Variants in TENM4 observed in about 807,000 individuals in gnomAD.
TENM4 encodes the protein teneurin-4.
In TENM4, 82 loss-of-function variants were observed where a neutral mutation model predicts 243.3. That is an observed-to-expected ratio of 0.34 (90% confidence interval 0.28 to 0.40). The LOEUF (loss-of-function observed/expected upper bound fraction) is 0.40. Ranked by LOEUF, TENM4 falls within the 10% of genes least tolerant of loss-of-function variation. The probability of loss-of-function intolerance (pLI) is 1.00; values close to 1 mark genes in which losing one functional copy is unlikely to be tolerated. For missense variants in TENM4, 3,138 were observed against 3,673.3 expected (o/e 0.85, Z 3.77); for synonymous variants, 1,412 against 1,456.3 (o/e 0.97, Z 0.69).
At chr11:79,077,358 G>A (rs980958825) in intron 4 of TENM4, among the ~76,000 whole-genome samples, 3 of 152,286 alleles carry the variant, frequency 2.0e-5, no homozygotes, top group Middle Eastern at 3.4e-3. Context: ...CCCAGAAACA[G>A]TGACATCTAA....
At chr11:79,332,852 A>G (rs929032853) in intron 1 of TENM4, among the ~76,000 whole-genome samples, 4 of 152,116 alleles carry the variant, frequency 2.6e-5, no homozygotes, top group African/African-American at 7.2e-5. Context: ...CACTCCTATG[A>G]GAGCAATGTG....
intron 1 of TENM4, among the ~76,000 whole-genome samples, chr11:79,359,042 G>T (rs147445813): frequency 6.6e-5 from 10 of 151,766 alleles, no homozygotes; most frequent in Admixed American, 4.6e-4. Flanking sequence ...TGAGTGGAAG[G>T]ATCACTTGAG....
chr11:79,138,920 A>ATATTT lies in TENM4; in HGVS notation c.-66+9789_-66+9790insAAATA, dbSNP rs1381853076. ...TATTATATTTCTATAAATATATATT[A>ATATTT]CATTTCCATAAATATATAAAATATA... On this transcript the variant is annotated intron_variant, in intron 4 of 33. Transcript: ENST00000278550. 6.4e-4 allele frequency among the ~76,000 whole-genome samples: 66 copies of ATATTT among 103,332 alleles called. 14 individuals are homozygous for ATATTT. The highest frequency in any genetic ancestry group is 8.2e-4 in the Non-Finnish European group (46 of 56,240). 67.8% of individuals were successfully genotyped at this position (103,332 alleles called of 152,430 possible). A position where few individuals can be genotyped will look rare whatever the true frequency, so the allele number is the denominator to read the frequency against.
intron 7 of TENM4, 145 bp from the exon 8 acceptor site, chr11:78,891,481 A>G (rs1230175209): frequency 3.0e-6 from 2 of 676,836 alleles, no homozygotes; most frequent in Non-Finnish European, 5.2e-6. Flanking sequence ...GTCAGTGTGC[A>G]AGCCACATGT....
intron 1 of TENM4, among the ~76,000 whole-genome samples, chr11:79,342,276 G>A (rs74826836): frequency 0.012 from 1,803 of 152,272 alleles, 40 homozygotes; most frequent in African/African-American, 0.041. Flanking sequence ...GATTGTCAAA[G>A]GTAGGTGTGA....
intron 6 of TENM4, chr11:79,014,843 G>A (rs1311495047): frequency 6.6e-6 from 1 of 152,302 alleles, no homozygotes; most frequent in Non-Finnish European, 1.5e-5. Context: ...TTATAACCAG[G>A]AAGGCTAAGT....
chr11:79,271,814 A>G (rs1046767305), intron 2 of TENM4, among the ~76,000 whole-genome samples: 3 of 152,180 alleles, frequency 2.0e-5, no homozygotes, highest in African/African-American at 4.8e-5. Context: ...CCACCTAGTA[A>G]TGAGGGCTTT....
chr11:79,437,869 A>T (rs993019778), intron 1 of TENM4, among the ~76,000 whole-genome samples: 5 of 152,094 alleles, frequency 3.3e-5, no homozygotes, highest in African/African-American at 1.2e-4. Flanking sequence ...CCCCTCTGGC[A>T]GCCGGGTTAA....
chr11:79,427,784 T>C (rs544061472), intron 1 of TENM4, among the ~76,000 whole-genome samples: 2 of 152,356 alleles, frequency 1.3e-5, no homozygotes, highest in African/African-American at 4.8e-5. Context: ...TCACTGCCTA[T>C]TCCACAAGGT....
Position 78,805,281 on chromosome 11 carries a change from C to CACCCCCA in TENM4, c.2179+10_2179+11insTGGGGGT. On this transcript the variant is annotated intron_variant, in intron 15 of 33. Transcript: ENST00000278550. The stretch of plus-strand genomic sequence containing the variant: ...TCCCTCTACCCATGCTTCTTCTCCC[C>CACCCCCA]CTGCATTTACCGATAGAACAGTCGT... The CACCCCCA allele has an allele frequency of 6.7e-7, 1 of 1,488,494 alleles. No homozygotes were observed. The highest frequency in any genetic ancestry group is 9.1e-7 in the Non-Finnish European group (1 of 1,097,816). 92.2% of individuals were successfully genotyped at this position (1,488,494 alleles called of 1,614,324 possible).
At chr11:79,151,051 C>G (rs1862499950) in intron 3 of TENM4, among the ~76,000 whole-genome samples, 1 of 152,160 alleles carries the variant, frequency 6.6e-6, no homozygotes, top group African/African-American at 2.4e-5. Flanking sequence ...CAATCATAGC[C>G]TGTGCTCTCA....
At chr11:79,353,756 G>GGA (rs1857452939) in intron 1 of TENM4, among the ~76,000 whole-genome samples, 1 of 142,878 alleles carries the variant, frequency 7.0e-6, no homozygotes, top group Admixed American at 7.0e-5. Flanking sequence ...GAAAAAGGAG[G>GGA]AAAAAAAAAA....
In TENM4 at chr11:78,657,140, T is replaced by C. The variant is rs1008381556; in HGVS notation, c.*918A>G. On this transcript the variant is annotated 3_prime_UTR_variant, in exon 34 of 34. Transcript: ENST00000278550. ...TGGACATGGTGCCCACATTGAAGGC[T>C]TGCTGTGCAGTGCTCGTTCTCACAT... is the stretch of plus-strand genomic sequence containing the variant. The C allele has an allele frequency of 2.5e-6, 1 of 398,706 alleles. No individual in the cohort carries two copies. The highest frequency in any genetic ancestry group is 2.1e-5 in the African/African-American group (1 of 48,760). The allele number at this position is 398,706 out of a possible 1,614,324, so 24.7% of individuals were successfully genotyped here.
At chr11:78,822,380 C>T (rs1857752254) in intron 12 of TENM4, among the ~76,000 whole-genome samples, 1 of 152,220 alleles carries the variant, frequency 6.6e-6, no homozygotes, top group Admixed American at 6.5e-5. Flanking sequence ...CACTCTAGCT[C>T]AGGAAGTGTT....
intron 6 of TENM4, among the ~76,000 whole-genome samples, chr11:78,980,494 G>T (rs1364573149): frequency 1.3e-5 from 2 of 152,214 alleles, no homozygotes; most frequent in Admixed American, 1.3e-4. Context: ...CTGTGGAACT[G>T]CACATGAGGA....
chr11:78,935,029 G>T (rs1268226029), intron 6 of TENM4, among the ~76,000 whole-genome samples: 2 of 98,552 alleles, frequency 2.0e-5, no homozygotes, highest in Non-Finnish European at 1.8e-5. Flanking sequence ...TTTTGAGACG[G>T]AGTCTCGCTC....
chr11:79,138,737 CATAAAACATACATTATATTT>C, intron 4 of TENM4, among the ~76,000 whole-genome samples: 1 of 103,916 alleles, frequency 9.6e-6, no homozygotes, highest in Non-Finnish European at 1.8e-5. Context: ...TATATAAATA[CATAAAACATACATTATATTT>C]ATATAAATAC....
intron 2 of TENM4, among the ~76,000 whole-genome samples, chr11:79,289,102 A>G (rs544802814): frequency 1.3e-5 from 2 of 152,240 alleles, no homozygotes; most frequent in Non-Finnish European, 2.9e-5. Flanking sequence ...TTATGACACC[A>G]TCAATAAATG....
intron 6 of TENM4, among the ~76,000 whole-genome samples, chr11:79,018,733 G>C (rs180944070): frequency 2.2e-4 from 33 of 152,354 alleles, no homozygotes; most frequent in Non-Finnish European, 4.6e-4. Context: ...GCCAGGCAGG[G>C]AGGGAGAAAT....
Sources: gnomAD v4.1 joint callset for allele counts (sites outside exome capture counted in the v4.1 genomes callset) on GRCh38, gnomAD v4.1.1 for gene constraint, MANE v1.5 for transcripts, NCBI Gene and HGNC (gene_info 2026-07-23, HGNC 2026-07-21) for gene names.